PIDD1: variants seen among roughly 807,000 people sequenced by gnomAD.
The protein encoded by PIDD1 is p53-induced death domain protein 1.
In PIDD1, 72 loss-of-function variants were observed where a neutral mutation model predicts 80.0. That is an observed-to-expected ratio of 0.90 (90% CI 0.74 to 1.09). PIDD1 has a LOEUF of 1.09. PIDD1 is among the 50% of genes least tolerant of loss of function. The probability of loss-of-function intolerance (pLI) is 0.00; values close to 1 mark genes in which losing one functional copy is unlikely to be tolerated. For missense variants in PIDD1, 1,329 were observed against 1,228.3 expected (o/e 1.08, Z -1.23); for synonymous variants, 655 against 543.5 (o/e 1.21, Z -2.85).
At position 799,386 on chromosome 11, in the gene PIDD1, C is replaced by A. The variant is rs373561275; in HGVS notation, c.2654G>T (p.Arg885Leu). ...GTCCTTGGGGGCCAAGCCCATGCGT[C>A]GGATGCTGTCCTGGTACTTGCGGCG... is the stretch of plus-strand genomic sequence containing the variant. ...LGRRKYQDSI[R>L]RMGLAPKDPA... The change falls in exon 16 of 16, where the codon CGA (arginine) becomes CTA (leucine). Residue 885 changes from arginine to leucine, a missense_variant. Coordinates refer to ENST00000347755, the MANE Select transcript of PIDD1 (RefSeq NM_145886.4). The A allele has an allele frequency of 6.2e-7, 1 of 1,611,900 alleles. No individual in the cohort carries two copies. Among genetic ancestry groups the A allele is most frequent in the Non-Finnish European group, 8.5e-7 (1 of 1,179,872 alleles).
rs932200978 is a variant in PIDD1 at position 804,481 on chromosome 11, G to A, written c.-75-18C>T. 5 of 1,471,356 alleles carry A rather than the reference G, an allele frequency of 3.4e-6. No individual in the cohort carries two copies. The highest frequency in any genetic ancestry group is 2.5e-5 in the Admixed American group (1 of 39,834). 91.1% of individuals were successfully genotyped at this position (1,471,356 alleles called of 1,614,324 possible). A position where few individuals can be genotyped will look rare whatever the true frequency, so the allele number is the denominator to read the frequency against. ...CGGGGAAGCTGCAGAGGCAGGAGGA[G>A]GAGTGAGCGGGAGCCGGGGTGGGCC... On this transcript the variant is annotated intron_variant, in intron 1 of 15. Transcript: ENST00000347755.
Position 805,223 on chromosome 11 carries a change from T to TCGGCGCCTGGGATCCCGC in PIDD1, c.-121_-120insGCGGGATCCCAGGCGCCG. ...CAAAGGGTGGCTGCTCAGCGGGCGC[T>TCGGCGCCTGGGATCCCGC]CGGCGCCTGGGATCCCGCCGGCGCG... On this transcript the variant is annotated 5_prime_UTR_variant, in exon 1 of 16. Transcript: ENST00000347755. 1.0e-6 allele frequency: 1 copy of TCGGCGCCTGGGATCCCGC among 983,160 alleles called. No individual in the cohort carries two copies. The allele number at this position is 983,160 out of a possible 1,614,324, so 60.9% of individuals were successfully genotyped here.
rs764745475 is a variant in PIDD1, at chr11:800,035, A to G, written c.2275-21T>C. ...AGTCTCTGTTGGAAGGAAAAAGTGC[A>G]TTAAGCCCTGGGCTCCACCCCCAAC... is the stretch of plus-strand genomic sequence containing the variant. On this transcript the variant is annotated intron_variant, in intron 14 of 15. Transcript: ENST00000347755. The G allele has an allele frequency of 1.4e-5, 23 of 1,611,344 alleles. No individual in the cohort carries two copies. The Admixed American group carries it at 3.3e-4, about 23-fold the overall frequency.
In PIDD1 at chr11:801,075, G is replaced by A. The variant is rs1477934967; in HGVS notation, c.1676C>T (p.Pro559Leu). 9.4e-6 allele frequency: 15 copies of A among 1,597,532 alleles called. No homozygotes were observed. The highest frequency in any genetic ancestry group is 1.3e-5 in the Non-Finnish European group (15 of 1,171,922). Residue 559 changes from proline (P) to leucine (L), a missense_variant, in exon 10 of 16, where the codon CCT (proline) becomes CTT (leucine). Coordinates refer to ENST00000347755, the MANE Select transcript of PIDD1 (RefSeq NM_145886.4). ...GATGTCATCCCAGGTGGCTGCAGGA[G>A]GGGCCCAGTACAACAGGTGCAGGCG... is the stretch of plus-strand genomic sequence containing the variant. ...RSRLHLLYWA[P>L]PAATWDDITA...
chr11:801,411 C>A, intron 8 of PIDD1, 34 bp downstream of exon 8: 1 of 1,575,774 alleles, frequency 6.3e-7, no homozygotes, highest in Non-Finnish European at 8.6e-7. Flanking sequence ...GGCTGAGGCG[C>A]GGCCTGCCAC....
upstream of PIDD1, among the ~76,000 whole-genome samples, chr11:808,092 G>A (rs1865870386): frequency 6.6e-6 from 1 of 150,556 alleles, no homozygotes; most frequent in Non-Finnish European, 1.5e-5. Context: ...CAGGGAATAG[G>A]GACTTTAATA....
chr11:799,190 A>T lies in PIDD1; in HGVS notation c.*117T>A, dbSNP rs1439348402. On this transcript the variant is annotated 3_prime_UTR_variant, in exon 16 of 16. Coordinates refer to ENST00000347755, the MANE Select transcript of PIDD1 (RefSeq NM_145886.4). ...AATAAATCAAGCTCTGAGGTGAAAGAAACAGTGCAGTTTTGTTGCTCACAG... is the reference window on the plus strand; with the variant it reads ...AATAAATCAAGCTCTGAGGTGAAAGTAACAGTGCAGTTTTGTTGCTCACAG... The T allele has an allele frequency of 2.8e-6, 3 of 1,070,938 alleles. No individual in the cohort carries two copies. The highest frequency in any genetic ancestry group is 3.9e-6 in the Non-Finnish European group (3 of 768,084). 66.3% of individuals were successfully genotyped at this position (1,070,938 alleles called of 1,614,324 possible). A position where few individuals can be genotyped will look rare whatever the true frequency, so the allele number is the denominator to read the frequency against.
At chr11:804,017 G>T in intron 2 of PIDD1, 77 bp downstream of exon 2, 1 of 1,472,144 alleles carries the variant, frequency 6.8e-7, no homozygotes, top group Non-Finnish European at 9.1e-7. Flanking sequence ...TGGGACTGGG[G>T]TTTGCCTTTG....
rs893837039 is a variant in PIDD1 at position 802,791 on chromosome 11, C to T, written c.810G>A (p.Leu270=). 2 of 1,606,236 alleles carry T rather than the reference C, an allele frequency of 1.2e-6. No individual in the cohort carries two copies. The highest frequency in any genetic ancestry group is 2.2e-5 in the East Asian group (1 of 44,600). ...ARLPLLTRLD[L]RDNQLRDLPP... ...GCAGGTCCCGGAGCTGGTTGTCCCT[C>T]AGGTCGAGCCGGGTGAGGAGTGGAA... The change falls in exon 4 of 16, where the codon CTG becomes CTA. Residue 270 remains leucine (L), a synonymous_variant. Transcript: ENST00000347755.
At chr11:799,593 G>A (rs1410280159) in intron 15 of PIDD1, 28 bp from the exon 16 acceptor site, 3 of 1,567,966 alleles carry the variant, frequency 1.9e-6, no homozygotes, top group African/African-American at 1.3e-5. Context: ...GCGACAGAGG[G>A]GTCCTGTCCA....
intron 14 of PIDD1, 36 bp from the exon 15 acceptor site, chr11:800,050 C>T: frequency 1.2e-6 from 2 of 1,607,746 alleles, no homozygotes; most frequent in South Asian, 1.1e-5. Context: ...GCCCTGGGCT[C>T]CACCCCCAAC....
At chr11:803,993 C>T in intron 2 of PIDD1, 101 bp downstream of exon 2, 1 of 1,338,376 alleles carries the variant, frequency 7.5e-7, no homozygotes, top group Non-Finnish European at 1.0e-6. Flanking sequence ...GGAGGGGCGG[C>T]CTGGAGCTGG....
intron 1 of PIDD1, 97 bp downstream of exon 1, chr11:805,082 C>T (rs1429100959): frequency 2.3e-6 from 1 of 434,194 alleles, no homozygotes; most frequent in Non-Finnish European, 3.1e-6. Context: ...GAGGCAGGCT[C>T]GGGATCCCCC....
Position 802,186 on chromosome 11 carries a change from T to G in PIDD1, c.1176+9A>C. 6.3e-7 allele frequency: 1 copy of G among 1,596,146 alleles called. No individual in the cohort carries two copies. The highest frequency in any genetic ancestry group is 8.5e-7 in the Non-Finnish European group (1 of 1,172,378). ...CCCACACACTGCCCCCGCCACGCCC[T>G]GTCCATGCCTGCTGGAAGGCCACCC... is the stretch of plus-strand genomic sequence containing the variant. On this transcript the variant is annotated intron_variant, in intron 6 of 15. Coordinates refer to ENST00000347755, the MANE Select transcript of PIDD1 (RefSeq NM_145886.4).
rs1200940534 is a variant in PIDD1 at position 800,114 on chromosome 11, C to T, written c.2274+17G>A. Reference sequence around the variant, plus strand: ...GCCTCGGTCCTGCCCCGCCCCTCTGCTGTCCCTCAGTCCCACCGGCAGCTT... The same window carrying T: ...GCCTCGGTCCTGCCCCGCCCCTCTGTTGTCCCTCAGTCCCACCGGCAGCTT... On this transcript the variant is annotated intron_variant, in intron 14 of 15. Transcript: ENST00000347755. The T allele has an allele frequency of 2.5e-6, 4 of 1,608,398 alleles. No homozygotes were observed. The East Asian group carries it at 8.9e-5, about 36-fold the overall frequency.
chr11:801,157 G>C (rs1865276638), intron 9 of PIDD1, 37 bp from the exon 10 acceptor site: 1 of 1,546,768 alleles, frequency 6.5e-7, no homozygotes, highest in Non-Finnish European at 8.7e-7. Flanking sequence ...AGGCCTCCTG[G>C]CCGGAGACCC....
In PIDD1 at chr11:803,201, G is replaced by A. The variant is rs775481719; in HGVS notation, c.682C>T (p.Arg228Trp). 48 of 1,609,288 alleles carry A rather than the reference G, an allele frequency of 3.0e-5. No individual in the cohort carries two copies. The highest frequency in any genetic ancestry group is 1.5e-4 in the Admixed American group (9 of 59,830). The change falls in exon 3 of 16, where the codon CGG becomes TGG. Residue 228 changes from arginine to tryptophan, a missense_variant. Arg to Trp is a moderately radical substitution (Grantham distance 101). Coordinates refer to ENST00000347755, the MANE Select transcript of PIDD1 (RefSeq NM_145886.4). ...SLLELNLASN[R>W]LQSLPASLAG... ...AGAGAGGCTGGGAGGCTCTGCAGCC[G>A]GTTGGAGGCCAGGTTGAGCTCCAGG...
At chr11:806,929 C>A (rs1029871945), upstream of PIDD1, among the ~76,000 whole-genome samples, 1 of 152,280 alleles carries the variant, frequency 6.6e-6, no homozygotes, top group Middle Eastern at 3.4e-3. Flanking sequence ...CTGTGGCTTA[C>A]GCCAGTAATC....
In PIDD1 at chr11:802,775, G is replaced by C; in HGVS notation, c.826C>G (p.Arg276Gly). ...TCTAGCAGCTCAGGGGGCAGGTCCCGGAGCTGGTTGTCCCTCAGGTCGAGC... is the reference window on the plus strand; with the variant it reads ...TCTAGCAGCTCAGGGGGCAGGTCCCCGAGCTGGTTGTCCCTCAGGTCGAGC... ...TRLDLRDNQL[R>G]DLPPELLDAP... The change falls in exon 4 of 16, where the codon CGG becomes GGG. Residue 276 changes from arginine to glycine, a missense_variant. Physicochemically the swap from Arg to Gly is moderately radical, Grantham distance 125 (BLOSUM62 -2). Transcript: ENST00000347755. The C allele has an allele frequency of 6.2e-7, 1 of 1,608,370 alleles. No individual in the cohort carries two copies. The highest frequency in any genetic ancestry group is 8.5e-7 in the Non-Finnish European group (1 of 1,177,992).
Sources: allele counts gnomAD v4.1 joint callset (sites outside exome capture counted in the v4.1 genomes callset), GRCh38; gene constraint gnomAD v4.1.1; transcripts MANE v1.5; gene names NCBI Gene and HGNC (gene_info 2026-07-23, HGNC 2026-07-21).